The following ZSWIM6 variants were observed in gnomAD, a reference collection of about 807,000 sequenced individuals.
ZSWIM6 encodes zinc finger SWIM-type containing 6, also known as zinc finger SWIM domain-containing protein 6.
Under a neutral mutation model 113.2 loss-of-function variants are expected in ZSWIM6, and 9 were observed. The ratio of observed to expected loss-of-function variants is 0.08; its 90% confidence interval spans 0.05 to 0.14. The LOEUF is 0.14. ZSWIM6 is among the 10% of genes least tolerant of loss of function. The probability of loss-of-function intolerance (pLI) is 1.00; values close to 1 mark genes in which losing one functional copy is unlikely to be tolerated. For synonymous variants in ZSWIM6, 611 were observed against 606.5 expected, an observed-to-expected ratio of 1.01 and a Z score of -0.11; for missense variants, 1,162 against 1,552.2, an observed-to-expected ratio of 0.75 and a Z score of 4.22.
At chr5:61,412,818 A>G (rs1561227553) in intron 1 of ZSWIM6, among the ~76,000 whole-genome samples, 1 of 152,116 alleles carries the variant, frequency 6.6e-6, no homozygotes, top group Non-Finnish European at 1.5e-5. Context: ...TTTATTGTTG[A>G]AAGTGTTTAT....
At chr5:61,506,354 G>A (rs564846682) in intron 4 of ZSWIM6, among the ~76,000 whole-genome samples, 26 of 152,186 alleles carry the variant, frequency 1.7e-4, no homozygotes, top group Admixed American at 1.5e-3. Flanking sequence ...AGGCCGAGGC[G>A]GGTGGATTAC....
At chr5:61,492,169 G>A (rs1748199014) in intron 3 of ZSWIM6, among the ~76,000 whole-genome samples, 1 of 151,972 alleles carries the variant, frequency 6.6e-6, no homozygotes, top group Non-Finnish European at 1.5e-5. Flanking sequence ...TGCTGTTGCT[G>A]TGTAATAGGT....
chr5:61,515,040 T>A (rs1204785198), intron 4 of ZSWIM6, among the ~76,000 whole-genome samples: 4 of 152,206 alleles, frequency 2.6e-5, no homozygotes, highest in Non-Finnish European at 5.9e-5. Flanking sequence ...TTTAATTAAT[T>A]TACAACCATT....
At chr5:61,424,314 G>A (rs1198680807) in intron 1 of ZSWIM6, among the ~76,000 whole-genome samples, 1 of 152,182 alleles carries the variant, frequency 6.6e-6, no homozygotes, top group African/African-American at 2.4e-5. Context: ...GGCTCGATTA[G>A]GTTATTTTTT....
chr5:61,521,270 G>A lies in ZSWIM6; in HGVS notation c.1341G>A (p.Leu447=). The A allele has an allele frequency of 7.2e-7, 1 of 1,396,978 alleles. No individual in the cohort carries two copies. 86.5% of individuals were successfully genotyped at this position (1,396,978 alleles called of 1,614,324 possible). The change falls in exon 5 of 14, where the codon CTG becomes CTA. Residue 447 remains leucine (L), a synonymous_variant. Coordinates refer to ENST00000252744, the MANE Select transcript of ZSWIM6 (RefSeq NM_020928.2). ...TTTCCTCCTTTAAATTAGGTGCTCT[G>A]TGGATGTGTATAGTTTTAAACCCCC... ...YRQLWDELGA[L]WMCIVLNPHC...
intron 1 of ZSWIM6, among the ~76,000 whole-genome samples, chr5:61,417,035 G>C (rs960549982): frequency 6.6e-6 from 1 of 152,098 alleles, no homozygotes; most frequent in East Asian, 1.9e-4. Context: ...CCAGCTACTC[G>C]GGAGGCTGAG....
intron 1 of ZSWIM6, among the ~76,000 whole-genome samples, chr5:61,427,738 C>G (rs887742194): frequency 6.6e-6 from 1 of 152,074 alleles, no homozygotes; most frequent in African/African-American, 2.4e-5. Context: ...GCTTTAGCCT[C>G]CCAAAGTGCT....
Position 61,353,444 on chromosome 5 carries a change from T to A in ZSWIM6, c.676+20496T>A, listed in dbSNP as rs988404760. 2.6e-5 allele frequency among the ~76,000 whole-genome samples: 4 copies of A among 152,290 alleles called. No homozygotes were observed. The East Asian group carries it at 7.7e-4, about 29-fold the overall frequency. On this transcript the variant is annotated intron_variant, in intron 1 of 13. Coordinates refer to ENST00000252744, the MANE Select transcript of ZSWIM6 (RefSeq NM_020928.2). ...GACTTGAACACCTAGGCCTCCCAGC[T>A]CTCAAGTGGGATCATGTTGTACTTT...
At chr5:61,340,163 AG>A (rs1235377106) in intron 1 of ZSWIM6, among the ~76,000 whole-genome samples, 1 of 152,214 alleles carries the variant, frequency 6.6e-6, no homozygotes, top group African/African-American at 2.4e-5. Flanking sequence ...CATCTAGAAA[AG>A]ATCCCTAAAG....
At chr5:61,389,652 A>T (rs1242697537) in intron 1 of ZSWIM6, among the ~76,000 whole-genome samples, 3 of 152,110 alleles carry the variant, frequency 2.0e-5, no homozygotes, top group Non-Finnish European at 4.4e-5. Flanking sequence ...TGCATTTGGA[A>T]ATTATCACGT....
At chr5:61,413,299 T>G (rs1164668098) in intron 1 of ZSWIM6, among the ~76,000 whole-genome samples, 1 of 151,782 alleles carries the variant, frequency 6.6e-6, no homozygotes, top group Admixed American at 6.6e-5. Flanking sequence ...TGCAATAGTT[T>G]ACTGAGAATG....
chr5:61,380,594 A>G (rs1252029884), intron 1 of ZSWIM6, among the ~76,000 whole-genome samples: 1 of 152,192 alleles, frequency 6.6e-6, no homozygotes, highest in Non-Finnish European at 1.5e-5. Flanking sequence ...GTGTCAAGTC[A>G]GGAGGTGTAG....
At chr5:61,491,039 GA>G in intron 3 of ZSWIM6, 105 bp downstream of exon 3, 1 of 1,170,640 alleles carries the variant, frequency 8.5e-7, no homozygotes, top group Non-Finnish European at 1.1e-6. Flanking sequence ...AAAAATTAAA[GA>G]ACAGGGTCTT....
At chr5:61,378,591 T>A (rs553756743) in intron 1 of ZSWIM6, among the ~76,000 whole-genome samples, 2 of 152,250 alleles carry the variant, frequency 1.3e-5, no homozygotes, top group South Asian at 2.1e-4. Context: ...GTTTTGCTCT[T>A]GTTGCCCAGC....
chr5:61,532,496 G>A (rs1348970276), intron 9 of ZSWIM6, among the ~76,000 whole-genome samples: 1 of 152,008 alleles, frequency 6.6e-6, no homozygotes, highest in African/African-American at 2.4e-5. Context: ...GTTATTATGG[G>A]ATTCTCTGTG....
At chr5:61,486,601 A>G (rs891929149) in intron 2 of ZSWIM6, among the ~76,000 whole-genome samples, 1 of 152,056 alleles carries the variant, frequency 6.6e-6, no homozygotes, top group Non-Finnish European at 1.5e-5. Context: ...CCTCACCAAC[A>G]TCTGTTATTT....
intron 1 of ZSWIM6, among the ~76,000 whole-genome samples, chr5:61,350,498 A>C (rs1744760004): frequency 6.6e-6 from 1 of 152,158 alleles, no homozygotes; most frequent in Admixed American, 6.5e-5. Context: ...ATTCAGACGA[A>C]AAGGAAGCAG....
At chr5:61,512,926 C>A in intron 4 of ZSWIM6, among the ~76,000 whole-genome samples, 1 of 151,842 alleles carries the variant, frequency 6.6e-6, no homozygotes. Flanking sequence ...TTATCAATAT[C>A]CCCCACCAGA....
At chr5:61,488,104 A>G (rs1482468362) in intron 2 of ZSWIM6, among the ~76,000 whole-genome samples, 1 of 151,940 alleles carries the variant, frequency 6.6e-6, no homozygotes, top group Non-Finnish European at 1.5e-5. Flanking sequence ...AATTTTACAA[A>G]TGGTTTTTCT....
Sources: allele counts gnomAD v4.1 joint callset (sites outside exome capture counted in the v4.1 genomes callset), GRCh38; gene constraint gnomAD v4.1.1; transcripts MANE v1.5; gene names NCBI Gene and HGNC (gene_info 2026-07-23, HGNC 2026-07-21).